ACSL4: variants seen among roughly 807,000 people sequenced by gnomAD.
ACSL4 encodes the protein long-chain-fatty-acid--CoA ligase 4.
A neutral mutation model predicts 49.1 loss-of-function variants in ACSL4; 9 were observed. That is an observed-to-expected ratio of 0.18 (90% CI 0.11 to 0.32). The LOEUF is 0.32. ACSL4 is among the 10% of genes least tolerant of loss of function. ACSL4 has a pLI of 1.00. For synonymous variants in ACSL4, 191 were observed against 170.3 expected, an observed-to-expected ratio of 1.12 and a Z score of -0.95; for missense variants, 333 against 493.7, an observed-to-expected ratio of 0.67 and a Z score of 3.08.
chrX:109,686,735 G>A (rs1469908528), intron 2 of ACSL4, among the ~76,000 whole-genome samples: 1 of 108,778 alleles, frequency 9.2e-6, no homozygotes, highest in Non-Finnish European at 1.9e-5. Flanking sequence ...TGCTTTCTAG[G>A]TAATCCTCAT....
At chrX:109,712,732 A>G (rs762825137) in intron 1 of ACSL4, among the ~76,000 whole-genome samples, 9 of 111,814 alleles carry the variant, frequency 8.0e-5, no homozygotes, top group Non-Finnish European at 1.5e-4. Flanking sequence ...CCCAGCTACT[A>G]AAGAGGTTGA....
chrX:109,683,046 T>C (rs1924300935), intron 3 of ACSL4, 90 bp downstream of exon 3: 3 of 1,051,597 alleles, frequency 2.9e-6, no homozygotes, highest in Non-Finnish European at 3.9e-6. Flanking sequence ...TATAATAGAA[T>C]GCCAGCATAC....
intron 1 of ACSL4, among the ~76,000 whole-genome samples, chrX:109,704,940 T>TCA (rs57647601): frequency 0.082 from 8,790 of 106,719 alleles, 375 homozygotes; most frequent in Non-Finnish European, 0.11. Context: ...TCTCTCTCTC[T>TCA]CACACACACA....
At chrX:109,671,506 G>A (rs780813288) in intron 9 of ACSL4, among the ~76,000 whole-genome samples, 49 of 106,324 alleles carry the variant, frequency 4.6e-4, no homozygotes, top group African/African-American at 1.6e-3. Flanking sequence ...GCAGGCGGGC[G>A]CCTCTGCCTG....
At chrX:109,693,058 CT>C (rs1925162024) in intron 2 of ACSL4, among the ~76,000 whole-genome samples, 1 of 110,982 alleles carries the variant, frequency 9.0e-6, no homozygotes, top group South Asian at 3.7e-4. Context: ...ACAACTATGC[CT>C]TTTTTTGCCA....
At chrX:109,697,314 T>C (rs913714802) in intron 1 of ACSL4, among the ~76,000 whole-genome samples, 1 of 111,985 alleles carries the variant, frequency 8.9e-6, no homozygotes, top group Admixed American at 9.4e-5. Context: ...TACTTGCATA[T>C]GATTATGAGA....
At chrX:109,666,813 G>A (rs999095369) in intron 11 of ACSL4, among the ~76,000 whole-genome samples, 10 of 112,063 alleles carry the variant, frequency 8.9e-5, no homozygotes, top group Non-Finnish European at 1.7e-4. Context: ...TACTCAGGAG[G>A]CTAAGGGAAG....
chrX:109,644,292 G>C lies in ACSL4; in HGVS notation c.1856-106C>G, dbSNP rs768698031. 5 of 745,195 alleles carry C rather than the reference G, an allele frequency of 6.7e-6. No homozygotes were observed. The African/African-American group carries it at 1.1e-4, about 16-fold the overall frequency. 61.4% of individuals were successfully genotyped at this position (745,195 alleles called of 1,213,427 possible). ...GAAGGAGAAGCAATTAATAAAATAT[G>C]AGTTTTTCAGGATTTACCTAGATGA... is the stretch of plus-strand genomic sequence containing the variant. On this transcript the variant is annotated intron_variant, in intron 15 of 15. Transcript: ENST00000672401.
intron 1 of ACSL4, among the ~76,000 whole-genome samples, chrX:109,703,488 A>G (rs1177571462): frequency 1.8e-5 from 2 of 112,132 alleles, no homozygotes; most frequent in Non-Finnish European, 3.8e-5. Context: ...AATGCCCTCT[A>G]AAAAAGAATA....
intron 1 of ACSL4, among the ~76,000 whole-genome samples, chrX:109,722,260 A>C (rs940363877): frequency 1.8e-5 from 2 of 112,465 alleles, no homozygotes; most frequent in African/African-American, 6.5e-5. Flanking sequence ...GACAAGAGAA[A>C]GTAGCATACA....
intron 15 of ACSL4, among the ~76,000 whole-genome samples, chrX:109,653,074 G>T (rs182490453): frequency 9.0e-6 from 1 of 111,488 alleles, no homozygotes; most frequent in Non-Finnish European, 1.9e-5. Flanking sequence ...TAGAGAAATA[G>T]GTATATTCAT....
At chrX:109,671,885 G>T (rs772747026) in intron 9 of ACSL4, among the ~76,000 whole-genome samples, 1 of 109,800 alleles carries the variant, frequency 9.1e-6, no homozygotes, top group East Asian at 2.9e-4. Flanking sequence ...CAGCATGCTC[G>T]TTAACAGTCA....
intron 1 of ACSL4, among the ~76,000 whole-genome samples, chrX:109,703,458 AT>A (rs916813434): frequency 8.5e-4 from 95 of 111,253 alleles, no homozygotes; most frequent in Non-Finnish European, 1.4e-3. Context: ...TCTAAAATTT[AT>A]TTTTTTTAAA....
intron 1 of ACSL4, among the ~76,000 whole-genome samples, chrX:109,713,689 G>A (rs1448804736): frequency 9.0e-6 from 1 of 111,532 alleles, no homozygotes; most frequent in East Asian, 2.8e-4. Context: ...TTGTTAGGGG[G>A]GAAAAGATTG....
intron 11 of ACSL4, among the ~76,000 whole-genome samples, chrX:109,667,373 G>A (rs760641038): frequency 9.8e-5 from 11 of 112,279 alleles, no homozygotes; most frequent in Middle Eastern, 9.2e-3. Context: ...AAGAATTATC[G>A]GATTCAAAAT....
At chrX:109,686,951 C>T (rs1924660522) in intron 2 of ACSL4, among the ~76,000 whole-genome samples, 1 of 111,764 alleles carries the variant, frequency 8.9e-6, no homozygotes, top group East Asian at 2.8e-4. Flanking sequence ...AAAACACAAG[C>T]GTAGATGAAA....
At position 109,708,637 on chromosome X, in the gene ACSL4, C is replaced by A. The variant is rs893703393; in HGVS notation, c.-65-12441G>T. ...TTAACTGTTTTCTGAAGCTAAGCAT[C>A]CTTTTGGTGTCCCTTATGTCAAAAC... On this transcript the variant is annotated intron_variant, in intron 1 of 15. Coordinates refer to ENST00000672401, the MANE Select transcript of ACSL4 (RefSeq NM_001318510.2). Among the ~76,000 whole-genome samples the A allele has an allele frequency of 2.7e-5, 3 of 112,172 alleles. No homozygotes were observed. In the East Asian group the frequency reaches 8.3e-4, roughly 31 times the overall value.
chrX:109,708,485 G>C (rs374998055), intron 1 of ACSL4, among the ~76,000 whole-genome samples: 2 of 112,122 alleles, frequency 1.8e-5, no homozygotes, highest in African/African-American at 3.2e-5. Context: ...TTTGTACTAA[G>C]GAAAGCAGGT....
chrX:109,707,389 T>C (rs1282779379), intron 1 of ACSL4, among the ~76,000 whole-genome samples: 4 of 112,582 alleles, frequency 3.6e-5, no homozygotes, highest in Non-Finnish European at 7.5e-5. Flanking sequence ...TAGTACATGC[T>C]AAATAGAAAA....
Sources: gnomAD v4.1 joint callset for allele counts (sites outside exome capture counted in the v4.1 genomes callset) on GRCh38, gnomAD v4.1.1 for gene constraint, MANE v1.5 for transcripts, NCBI Gene and HGNC (gene_info 2026-07-23, HGNC 2026-07-21) for gene names.